HHLA1: variants seen among roughly 807,000 people sequenced by gnomAD.
HHLA1 encodes the protein HERV-H LTR-associating protein 1.
Under a neutral mutation model 69.9 loss-of-function variants are expected in HHLA1, and 72 were observed. The observed-to-expected ratio is 1.03, with a 90% confidence interval of 0.85 to 1.25. The LOEUF is 1.25. HHLA1 is among the 50% of genes most tolerant of loss of function. The pLI, the probability that HHLA1 is intolerant of heterozygous loss-of-function variation, is 0.00. For missense variants in HHLA1, 685 were observed against 642.2 expected, an observed-to-expected ratio of 1.07 and a Z score of -0.72; for synonymous variants, 252 against 233.2, an observed-to-expected ratio of 1.08 and a Z score of -0.73.
In HHLA1 at chr8:132,089,560, G is replaced by T; in HGVS notation, c.488C>A (p.Thr163Asn). 2 of 1,532,434 alleles carry T rather than the reference G, an allele frequency of 1.3e-6. No individual in the cohort carries two copies. Among genetic ancestry groups the T allele is most frequent in the Non-Finnish European group, 1.8e-6 (2 of 1,129,452 alleles). The allele number at this position is 1,532,434 out of a possible 1,614,324, so 94.9% of individuals were successfully genotyped here. Residue 163 changes from threonine to asparagine, a missense_variant, in exon 8 of 17, where the codon ACC (threonine) becomes AAC (asparagine). Thr to Asn is a moderately conservative substitution (Grantham distance 65, BLOSUM62 0). Coordinates refer to ENST00000414222, the MANE Select transcript of HHLA1 (RefSeq NM_001145095.3). ...CTTAAAAATCTCTGTGAGGTAGCTG[G>T]TAGAATTGCCGATGATATCTACCAG... ...ALLVDIIGNS[T>N]SYLTEIFKST...
intron 10 of HHLA1, among the ~76,000 whole-genome samples, chr8:132,086,852 T>C (rs954260070): frequency 6.9e-6 from 1 of 144,082 alleles, no homozygotes; most frequent in East Asian, 2.7e-4. Context: ...TGAAGTGGAG[T>C]TGCAGATTTA....
intron 10 of HHLA1, 29 bp from the exon 11 acceptor site, chr8:132,079,995 A>C: frequency 6.4e-7 from 1 of 1,552,192 alleles, no homozygotes; most frequent in Non-Finnish European, 8.7e-7. Flanking sequence ...TGGTAACATT[A>C]ACATGCTTGA....
chr8:132,108,817 C>A (rs985436264), intron 1 of HHLA1, among the ~76,000 whole-genome samples: 1 of 152,128 alleles, frequency 6.6e-6, no homozygotes, highest in Admixed American at 6.6e-5. Flanking sequence ...TGAGTGGGCA[C>A]ACAAACCTCA....
intron 10 of HHLA1, chr8:132,085,382 G>A (rs1000614758): frequency 4.1e-5 from 14 of 340,360 alleles, no homozygotes; most frequent in Admixed American, 3.5e-4. Flanking sequence ...GGTTGGAGAT[G>A]AGAGTAAAAA....
chr8:132,089,615 A>AAACCTCCTAAATTT lies in HHLA1; in HGVS notation c.449-17_449-16insAAATTTAGGAGGTT. ...GCTGTAAAATCTGCAAGACAAATTT[A>AAACCTCCTAAATTT]GGAGGTTTAAATTTCTGCTTCAGAG... On this transcript the variant is annotated splice_polypyrimidine_tract_variant and intron_variant, in intron 7 of 16. Coordinates refer to ENST00000414222, the MANE Select transcript of HHLA1 (RefSeq NM_001145095.3). 1 of 1,259,444 alleles carries AAACCTCCTAAATTT rather than the reference A, an allele frequency of 7.9e-7. No homozygotes were observed. The highest frequency in any genetic ancestry group is 1.1e-6 in the Non-Finnish European group (1 of 879,758). The allele number at this position is 1,259,444 out of a possible 1,614,324, so 78.0% of individuals were successfully genotyped here.
At chr8:132,065,341 G>C (rs886420422) in intron 16 of HHLA1, among the ~76,000 whole-genome samples, 6 of 152,186 alleles carry the variant, frequency 3.9e-5, no homozygotes, top group African/African-American at 1.4e-4. Context: ...GAGTGCAGTG[G>C]TGCAATCTCG....
At chr8:132,081,908 G>T (rs1363390334) in intron 10 of HHLA1, among the ~76,000 whole-genome samples, 1 of 152,142 alleles carries the variant, frequency 6.6e-6, no homozygotes, top group African/African-American at 2.4e-5. Context: ...TCTAAGAGGT[G>T]GGCTAGTGGC....
chr8:132,074,945 A>T (rs921643224), intron 14 of HHLA1, among the ~76,000 whole-genome samples: 2 of 152,200 alleles, frequency 1.3e-5, no homozygotes, highest in Non-Finnish European at 2.9e-5. Flanking sequence ...TTATACAGAT[A>T]GCTATAGATA....
intron 14 of HHLA1, 57 bp downstream of exon 14, chr8:132,075,998 C>T (rs375358769): frequency 8.7e-6 from 11 of 1,263,314 alleles, no homozygotes; most frequent in Non-Finnish European, 1.2e-5. Flanking sequence ...TATTCTACTA[C>T]ATGACCTTGT....
chr8:132,108,964 A>G (rs913575333), intron 1 of HHLA1, among the ~76,000 whole-genome samples: 7 of 152,192 alleles, frequency 4.6e-5, no homozygotes, highest in African/African-American at 1.7e-4. Context: ...AAAGTGATAT[A>G]TAAGTCCCCA....
At chr8:132,076,595 A>T in intron 12 of HHLA1, 52 bp from the exon 13 acceptor site, 1 of 1,278,828 alleles carries the variant, frequency 7.8e-7, no homozygotes, top group South Asian at 1.7e-5. Flanking sequence ...GGGGGCCCTG[A>T]GGGAGAAGAT....
intron 10 of HHLA1, among the ~76,000 whole-genome samples, chr8:132,083,906 A>G (rs1239220509): frequency 6.6e-6 from 1 of 152,068 alleles, no homozygotes; most frequent in Non-Finnish European, 1.5e-5. Context: ...TAATTTTTGG[A>G]GTTTTATTTA....
intron 16 of HHLA1, 137 bp from the exon 17 acceptor site, chr8:132,064,175 G>A (rs1179438654): frequency 3.5e-6 from 1 of 288,856 alleles, no homozygotes; most frequent in East Asian, 8.6e-5. Context: ...CACTGGACAG[G>A]GGTCACTAGG....
At chr8:132,065,668 G>C (rs1487974133) in intron 16 of HHLA1, among the ~76,000 whole-genome samples, 1 of 152,192 alleles carries the variant, frequency 6.6e-6, no homozygotes, top group African/African-American at 2.4e-5. Context: ...GCTTGGTCAG[G>C]CTGACTCCTG....
intron 1 of HHLA1, among the ~76,000 whole-genome samples, chr8:132,110,147 A>G (rs191877621): frequency 1.3e-5 from 2 of 152,338 alleles, no homozygotes; most frequent in East Asian, 3.9e-4. Context: ...AAGGTGCTGG[A>G]TCAGATATAG....
intron 5 of HHLA1, 77 bp downstream of exon 5, chr8:132,098,805 G>T: frequency 2.3e-6 from 2 of 860,750 alleles, no homozygotes; most frequent in Non-Finnish European, 3.7e-6. Context: ...TCTTGTCAAG[G>T]CAACAGAAAG....
chr8:132,095,439 T>C (rs887403679), intron 7 of HHLA1, 80 bp downstream of exon 7: 6 of 879,372 alleles, frequency 6.8e-6, no homozygotes, highest in African/African-American at 5.0e-5. Context: ...CTGTCTTACA[T>C]TGAGGAAAAA....
At chr8:132,091,107 C>T (rs1241475583) in intron 7 of HHLA1, among the ~76,000 whole-genome samples, 1 of 152,126 alleles carries the variant, frequency 6.6e-6, no homozygotes, top group African/African-American at 2.4e-5. Context: ...TATTTTCTTT[C>T]TGCTTCTAAA....
intron 11 of HHLA1, 105 bp downstream of exon 11, chr8:132,079,613 T>G (rs1823704425): frequency 8.1e-7 from 1 of 1,234,230 alleles, no homozygotes; most frequent in Non-Finnish European, 1.1e-6. Flanking sequence ...TAACTTCAGT[T>G]GGTGGAGAAG....
Sources: allele counts gnomAD v4.1 joint callset (sites outside exome capture counted in the v4.1 genomes callset), GRCh38; gene constraint gnomAD v4.1.1; transcripts MANE v1.5; gene names NCBI Gene and HGNC (gene_info 2026-07-23, HGNC 2026-07-21).